The following PLPP3 variants were observed in gnomAD, a reference collection of about 807,000 sequenced individuals.
PLPP3 encodes phospholipid phosphatase 3, also known as PAP2 beta.
Under a neutral mutation model 29.6 loss-of-function variants are expected in PLPP3, and 6 were observed. The ratio of observed to expected loss-of-function variants is 0.20; its 90% CI spans 0.11 to 0.40. PLPP3 has a LOEUF of 0.40. Among genes scored for constraint, PLPP3 ranks in the 10% least tolerant of loss-of-function variants. The pLI, the probability that PLPP3 is intolerant of heterozygous loss-of-function variation, is 1.00. For missense variants in PLPP3, 308 were observed against 407.7 expected (o/e 0.76, Z 2.11); for synonymous variants, 152 against 159.7 (o/e 0.95, Z 0.36).
chr1:56,530,110 CT>C (rs77142253), intron 2 of PLPP3, among the ~76,000 whole-genome samples: 3,426 of 142,172 alleles, frequency 0.024, 87 homozygotes, highest in African/African-American at 0.064. Flanking sequence ...ACCTCTTACT[CT>C]TTTTTTTTTT....
Position 56,558,994 on chromosome 1 carries a change from C to T in PLPP3, c.139+19884G>A, listed in dbSNP as rs530377377. On this transcript the variant is annotated intron_variant, in intron 1 of 5. Transcript: ENST00000371250. ...TCTGAAAGACCATTTAATTCAACTGCCTCATTATTTAGGGAAGAAAATTTA... is the reference window on the plus strand; with the variant it reads ...TCTGAAAGACCATTTAATTCAACTGTCTCATTATTTAGGGAAGAAAATTTA... 7.9e-5 allele frequency among the ~76,000 whole-genome samples: 12 copies of T among 152,270 alleles called. No homozygotes were observed. In the South Asian group the frequency reaches 2.1e-3, roughly 26 times the overall value.
chr1:56,536,727 G>T (rs1184424515), intron 2 of PLPP3, among the ~76,000 whole-genome samples: 1 of 152,164 alleles, frequency 6.6e-6, no homozygotes, highest in African/African-American at 2.4e-5. Context: ...TTTTGTAGCT[G>T]TAGTCTTTGA....
rs562879659 is a variant in PLPP3 at position 56,527,860 on chromosome 1, C to T, written c.298-3306G>A. 4.6e-5 allele frequency among the ~76,000 whole-genome samples: 7 copies of T among 152,240 alleles called. No individual in the cohort carries two copies. In the East Asian group the frequency reaches 7.7e-4, roughly 17 times the overall value. On this transcript the variant is annotated intron_variant, in intron 2 of 5. Coordinates refer to ENST00000371250, the MANE Select transcript of PLPP3 (RefSeq NM_003713.5). ...CGAGGCGAAGGCTTAAATTGTTCTC[C>T]GACACGTTACACACCTAACTCTCGA...
intron 4 of PLPP3, among the ~76,000 whole-genome samples, chr1:56,517,239 CTT>C (rs1387540176): frequency 2.6e-5 from 4 of 152,218 alleles, no homozygotes; most frequent in African/African-American, 9.6e-5. Flanking sequence ...CAGTGAGAAA[CTT>C]TCTCCCTTCT....
In PLPP3 at chr1:56,496,453, G is replaced by GA. The variant is rs950554326; in HGVS notation, c.*97_*98insT. The GA allele has an allele frequency of 2.1e-6, 3 of 1,413,536 alleles. No individual in the cohort carries two copies. The Admixed American group carries it at 6.8e-5, about 32-fold the overall frequency. 87.6% of individuals were successfully genotyped at this position (1,413,536 alleles called of 1,614,324 possible). A position where few individuals can be genotyped will look rare whatever the true frequency, so the allele number is the denominator to read the frequency against. ...CTTTTTAAAAATCAGTCGGGCAAAAGTTTTTCCCTACATTCTACTGTCTGA... is the reference window on the plus strand; with the variant it reads ...CTTTTTAAAAATCAGTCGGGCAAAAGATTTTTCCCTACATTCTACTGTCTGA... On this transcript the variant is annotated 3_prime_UTR_variant, in exon 6 of 6. Transcript: ENST00000371250.
intron 4 of PLPP3, among the ~76,000 whole-genome samples, chr1:56,515,507 T>C (rs987306637): frequency 1.3e-5 from 2 of 151,898 alleles, no homozygotes; most frequent in East Asian, 3.9e-4. Flanking sequence ...AAAAAATAAA[T>C]ACACCATAAG....
At chr1:56,518,663 G>T (rs1645798245) in intron 4 of PLPP3, among the ~76,000 whole-genome samples, 1 of 149,938 alleles carries the variant, frequency 6.7e-6, no homozygotes, top group Non-Finnish European at 1.5e-5. Flanking sequence ...AGTAGTGAAT[G>T]AAGAGACCAA....
In PLPP3 at chr1:56,524,216, T is replaced by C; in HGVS notation, c.575+61A>G. On this transcript the variant is annotated intron_variant, in intron 3 of 5. Transcript: ENST00000371250. This position sits in a 1 kb window ranked among gnomAD's most constrained non-coding sequence, Gnocchi z 4.3. Reference sequence around the variant, plus strand: ...AAACCAGGGCCCAGCTAGTAAGTGCTCACTGAACTGCACTGTATGAAAGGG... The same window carrying C: ...AAACCAGGGCCCAGCTAGTAAGTGCCCACTGAACTGCACTGTATGAAAGGG... 1 of 1,580,918 alleles carries C rather than the reference T, an allele frequency of 6.3e-7. No homozygotes were observed. The highest frequency in any genetic ancestry group is 1.1e-5 in the South Asian group (1 of 88,290).
At chr1:56,509,615 G>A (rs746750340) in intron 5 of PLPP3, among the ~76,000 whole-genome samples, 8 of 152,006 alleles carry the variant, frequency 5.3e-5, no homozygotes, top group African/African-American at 9.7e-5. Flanking sequence ...TGAGGCGGGC[G>A]GATCACCTGA....
Position 56,524,566 on chromosome 1 carries a change from C to A in PLPP3, c.298-12G>T. On this transcript the variant is annotated splice_polypyrimidine_tract_variant and intron_variant, in intron 2 of 5. Transcript: ENST00000371250. This position sits in a 1 kb window ranked among gnomAD's most constrained non-coding sequence, Gnocchi z 4.3. ...TCCCCCGTGATGATCTAAAAGGAAT[C>A]CAACAGGGGAATTAGGCAGTATCAA... 1.9e-6 allele frequency: 3 copies of A among 1,601,298 alleles called. No individual in the cohort carries two copies. The highest frequency in any genetic ancestry group is 2.6e-6 in the Non-Finnish European group (3 of 1,169,302).
At chr1:56,501,533 G>A (rs1426680842) in intron 5 of PLPP3, among the ~76,000 whole-genome samples, 1 of 152,024 alleles carries the variant, frequency 6.6e-6, no homozygotes, top group Non-Finnish European at 1.5e-5. Context: ...CCAGCCCCTG[G>A]TAACCATCAA....
At chr1:56,572,987 G>T (rs1646211132) in intron 1 of PLPP3, among the ~76,000 whole-genome samples, 1 of 152,146 alleles carries the variant, frequency 6.6e-6, no homozygotes, top group African/African-American at 2.4e-5. Flanking sequence ...TTTATGTCAG[G>T]ATTCAAACAC....
chr1:56,577,648 G>A (rs1646244786), intron 1 of PLPP3, among the ~76,000 whole-genome samples: 1 of 152,138 alleles, frequency 6.6e-6, no homozygotes, highest in Non-Finnish European at 1.5e-5. Context: ...CCATTTCAAA[G>A]GGGACTTAAG....
chr1:56,511,887 G>T, intron 5 of PLPP3, 89 bp downstream of exon 5: 1 of 1,513,076 alleles, frequency 6.6e-7, no homozygotes, highest in Non-Finnish European at 9.1e-7. Flanking sequence ...AGGAACGAGG[G>T]CTCTCTAGCT....
chr1:56,517,598 A>G (rs1443040974), intron 4 of PLPP3, among the ~76,000 whole-genome samples: 1 of 152,246 alleles, frequency 6.6e-6, no homozygotes, highest in Non-Finnish European at 1.5e-5. Flanking sequence ...GCTCAAGGTA[A>G]CCAAGAGATA....
intron 2 of PLPP3, 30 bp downstream of exon 2, chr1:56,536,925 G>T (rs368859845): frequency 2.5e-6 from 4 of 1,610,452 alleles, no homozygotes; most frequent in African/African-American, 1.3e-5. Context: ...AGTCAGACAG[G>T]ATCCACCATA....
chr1:56,557,062 G>GA (rs1334965938), intron 1 of PLPP3, among the ~76,000 whole-genome samples: 3 of 118,034 alleles, frequency 2.5e-5, no homozygotes, highest in Admixed American at 9.0e-5. Flanking sequence ...GAGAGAGAAA[G>GA]AAAGAAAGAA....
At chr1:56,547,074 T>C (rs1395590093) in intron 1 of PLPP3, among the ~76,000 whole-genome samples, 2 of 152,240 alleles carry the variant, frequency 1.3e-5, no homozygotes, top group African/African-American at 2.4e-5. Context: ...TGCATAACAG[T>C]AATATCCTGA....
intron 1 of PLPP3, 39 bp from the exon 2 acceptor site, chr1:56,537,151 AAG>A: frequency 6.3e-7 from 1 of 1,587,422 alleles, no homozygotes; most frequent in South Asian, 1.1e-5. Flanking sequence ...CAGAAAAAAA[AAG>A]AAAAAAAGGA....
Sources: gnomAD v4.1 joint callset for allele counts (sites outside exome capture counted in the v4.1 genomes callset) on GRCh38, gnomAD v4.1.1 for gene constraint, Gnocchi (gnomAD v3.1) non-coding constraint, MANE v1.5 for transcripts, NCBI Gene and HGNC (gene_info 2026-07-23, HGNC 2026-07-21) for gene names.